DPP10: variants seen among roughly 807,000 people sequenced by gnomAD.
DPP10 encodes dipeptidyl peptidase like 10.
In DPP10, 33 loss-of-function variants were observed where a neutral mutation model predicts 120.9. The observed-to-expected ratio is 0.27, with a 90% confidence interval of 0.21 to 0.37. The LOEUF (loss-of-function observed/expected upper bound fraction) is 0.37, where lower values mean the gene tolerates loss of function less well. DPP10 is among the 10% of genes least tolerant of loss of function. DPP10 has a pLI of 1.00. For synonymous variants in DPP10, 337 were observed against 326.1 expected (o/e 1.03, Z -0.36); for missense variants, 816 against 942.8 (o/e 0.87, Z 1.76).
Position 115,384,393 on chromosome 2 carries a change from C to T in DPP10, c.271+40481C>T, listed in dbSNP as rs554787084. Among the ~76,000 whole-genome samples, 12 of 131,024 alleles carry T rather than the reference C, an allele frequency of 9.2e-5. No individual in the cohort carries two copies. The South Asian group carries it at 9.9e-4, about 11-fold the overall frequency. The allele number at this position is 131,024 out of a possible 152,430, so 86.0% of individuals were successfully genotyped here. On this transcript the variant is annotated intron_variant, in intron 3 of 25. Coordinates refer to ENST00000410059, the MANE Select transcript of DPP10 (RefSeq NM_020868.6). ...TGTCTCAGAAAAGCAGAAGCAGAAG[C>T]AGAAGAAGGAGAAGGAGAAGAAGAA... is the stretch of plus-strand genomic sequence containing the variant.
intron 8 of DPP10, among the ~76,000 whole-genome samples, chr2:115,734,453 C>T (rs1045454377): frequency 1.3e-5 from 2 of 151,770 alleles, no homozygotes; most frequent in Non-Finnish European, 2.9e-5. Flanking sequence ...GTCTGGAGTT[C>T]GAGACCAGCC....
chr2:114,575,729 T>C (rs747183150), intron 1 of DPP10, among the ~76,000 whole-genome samples: 74 of 152,286 alleles, frequency 4.9e-4, no homozygotes, highest in Non-Finnish European at 9.3e-4. Context: ...AAATTTGGGG[T>C]GGTAGTCTTC....
chr2:115,605,450 C>T (rs1558915702), intron 5 of DPP10, among the ~76,000 whole-genome samples: 1 of 151,970 alleles, frequency 6.6e-6, no homozygotes, highest in Non-Finnish European at 1.5e-5. Flanking sequence ...TGATTTGCAG[C>T]TTTTTAAAAT....
intron 1 of DPP10, among the ~76,000 whole-genome samples, chr2:115,307,989 A>T (rs116388692): frequency 4.2e-3 from 647 of 152,260 alleles, no homozygotes; most frequent in African/African-American, 0.014. Flanking sequence ...GATTTGGTTT[A>T]TCAGAATGAA....
Position 115,814,780 on chromosome 2 carries a change from T to C in DPP10, c.1701-13T>C. On this transcript the variant is annotated splice_polypyrimidine_tract_variant and intron_variant, in intron 19 of 25. Transcript: ENST00000410059. Reference sequence around the variant, plus strand: ...GTTGCTCTTGTTTTGGTCCAATATGTTGGTATTTGCAGGGATGAAGAACCA... The same window carrying C: ...GTTGCTCTTGTTTTGGTCCAATATGCTGGTATTTGCAGGGATGAAGAACCA... The C allele has an allele frequency of 1.3e-6, 2 of 1,512,754 alleles. No homozygotes were observed. Among genetic ancestry groups the C allele is most frequent in the South Asian group, 1.4e-5 (1 of 72,862 alleles). The allele number at this position is 1,512,754 out of a possible 1,614,324, so 93.7% of individuals were successfully genotyped here.
intron 19 of DPP10, among the ~76,000 whole-genome samples, chr2:115,800,918 G>A (rs1467727359): frequency 1.3e-5 from 2 of 149,356 alleles, no homozygotes; most frequent in African/African-American, 4.9e-5. Flanking sequence ...GGCAATGCGG[G>A]CTCTTTTTTG....
At chr2:114,675,807 ATT>A (rs71955365) in intron 1 of DPP10, among the ~76,000 whole-genome samples, 161 of 148,144 alleles carry the variant, frequency 1.1e-3, no homozygotes, top group South Asian at 3.4e-3. Context: ...ATCTTTAATA[ATT>A]TTTTTTTTTT....
chr2:115,344,156 AAGAT>A (rs1319421758), intron 3 of DPP10, among the ~76,000 whole-genome samples: 2 of 151,740 alleles, frequency 1.3e-5, no homozygotes, highest in East Asian at 3.9e-4. Context: ...AAAAAAAAAA[AAGAT>A]ATGTGTAGTT....
chr2:115,252,197 C>T, intron 1 of DPP10, among the ~76,000 whole-genome samples: 1 of 152,254 alleles, frequency 6.6e-6, no homozygotes, highest in South Asian at 2.1e-4. Context: ...AGTAGATACT[C>T]TCGTGAATTT....
chr2:115,102,595 G>C (rs1439157494), intron 1 of DPP10, among the ~76,000 whole-genome samples: 3 of 151,982 alleles, frequency 2.0e-5, no homozygotes, highest in Non-Finnish European at 2.9e-5. Context: ...ATTTTTAGTA[G>C]AGACGAGGTT....
chr2:115,217,895 T>C (rs2056923880), intron 1 of DPP10, among the ~76,000 whole-genome samples: 1 of 152,206 alleles, frequency 6.6e-6, no homozygotes, highest in South Asian at 2.1e-4. Flanking sequence ...AGTATTGCCT[T>C]ATCTCAGACC....
intron 1 of DPP10, among the ~76,000 whole-genome samples, chr2:114,858,683 G>A (rs1252252831): frequency 6.6e-6 from 1 of 152,160 alleles, no homozygotes. Flanking sequence ...TTATAGTTGT[G>A]AGTTGAGTTC....
At chr2:115,444,504 C>A (rs2072385370) in intron 3 of DPP10, among the ~76,000 whole-genome samples, 1 of 152,162 alleles carries the variant, frequency 6.6e-6, no homozygotes, top group Non-Finnish European at 1.5e-5. Context: ...GAATTTGTTT[C>A]TTTCCAAGAA....
At chr2:115,060,123 T>C (rs1223050233) in intron 1 of DPP10, among the ~76,000 whole-genome samples, 1 of 151,706 alleles carries the variant, frequency 6.6e-6, no homozygotes, top group African/African-American at 2.4e-5. Context: ...TATAGTTTAG[T>C]GCAGTGCCAG....
intron 1 of DPP10, among the ~76,000 whole-genome samples, chr2:114,476,332 T>A (rs970396883): frequency 1.3e-5 from 2 of 152,162 alleles, no homozygotes; most frequent in Admixed American, 6.5e-5. Flanking sequence ...CAATACTCTG[T>A]GATATCCCTA....
intron 1 of DPP10, among the ~76,000 whole-genome samples, chr2:115,116,891 C>A (rs1412327746): frequency 1.3e-5 from 2 of 152,208 alleles, no homozygotes; most frequent in African/African-American, 4.8e-5. Flanking sequence ...TCAAAACCTT[C>A]ATCTTCCATA....
At position 114,653,027 on chromosome 2, in the gene DPP10, A is replaced by AGTGTGTGTGTGTGTGTGTGT. The variant is rs10528455; in HGVS notation, c.60+210202_60+210221dup. Among the ~76,000 whole-genome samples, 239 of 135,826 alleles carry AGTGTGTGTGTGTGTGTGTGT rather than the reference A, an allele frequency of 1.8e-3. 1 individual carries two copies. Among genetic ancestry groups the AGTGTGTGTGTGTGTGTGTGT allele is most frequent in the African/African-American group, 6.7e-3 (219 of 32,518 alleles). The allele number at this position is 135,826 out of a possible 152,430, so 89.1% of individuals were successfully genotyped here. A position where few individuals can be genotyped will look rare whatever the true frequency, so the allele number is the denominator to read the frequency against. Reference sequence around the variant, plus strand: ...GAGAGAGAAAGAGAGAGAGAGAGAGAGTGTGTGTGTGTGTGTGTGTGTGTG... The same window carrying AGTGTGTGTGTGTGTGTGTGT: ...GAGAGAGAAAGAGAGAGAGAGAGAGAGTGTGTGTGTGTGTGTGTGTGTGTGTGTGTGTGTGTGTGTGTGTG... On this transcript the variant is annotated intron_variant, in intron 1 of 25. Transcript: ENST00000410059.
chr2:114,643,019 A>G (rs1304611830), intron 1 of DPP10, among the ~76,000 whole-genome samples: 1 of 151,958 alleles, frequency 6.6e-6, no homozygotes, highest in Non-Finnish European at 1.5e-5. Context: ...TTGAAGACAG[A>G]AGCATATGAG....
chr2:114,576,788 T>G (rs1690084283), intron 1 of DPP10, among the ~76,000 whole-genome samples: 1 of 152,202 alleles, frequency 6.6e-6, no homozygotes, highest in Non-Finnish European at 1.5e-5. Flanking sequence ...CAAGATATGT[T>G]CTTTGGCATG....
Sources: gnomAD v4.1 joint callset for allele counts (sites outside exome capture counted in the v4.1 genomes callset) on GRCh38, gnomAD v4.1.1 for gene constraint, MANE v1.5 for transcripts, NCBI Gene and HGNC (gene_info 2026-07-23, HGNC 2026-07-21) for gene names.